Variants in KCNH1 observed in about 807,000 individuals in gnomAD.
The protein encoded by KCNH1 is potassium voltage-gated channel subfamily H member 1, also known as voltage-gated delayed rectifier potassium channel KCNH1.
KCNH1 carries 27 observed loss-of-function variants against 69.2 expected under a neutral mutation model. That is an observed-to-expected ratio of 0.39 (90% confidence interval 0.29 to 0.54). KCNH1 has a LOEUF of 0.54. Among genes scored for constraint, KCNH1 ranks in the 20% least tolerant of loss-of-function variants. The probability of loss-of-function intolerance (pLI) is 0.68; values close to 1 mark genes in which losing one functional copy is unlikely to be tolerated. For missense variants in KCNH1, 798 were observed against 1,261.6 expected, an observed-to-expected ratio of 0.63 and a Z score of 5.57; for synonymous variants, 456 against 487.7, an observed-to-expected ratio of 0.93 and a Z score of 0.86.
intron 6 of KCNH1, among the ~76,000 whole-genome samples, chr1:210,969,921 G>C (rs571938680): frequency 2.0e-5 from 3 of 152,004 alleles, no homozygotes; most frequent in African/African-American, 7.2e-5. Flanking sequence ...TTTTGAGACA[G>C]GGTTGCACTC....
intron 7 of KCNH1, among the ~76,000 whole-genome samples, chr1:210,903,146 T>C (rs1468110593): frequency 6.6e-6 from 1 of 152,160 alleles, no homozygotes; most frequent in African/African-American, 2.4e-5. Flanking sequence ...TAGGTCACAG[T>C]AAATGTCCAT....
chr1:211,096,854 C>G (rs1386768595), intron 3 of KCNH1, among the ~76,000 whole-genome samples: 1 of 152,142 alleles, frequency 6.6e-6, no homozygotes, highest in Non-Finnish European at 1.5e-5. Flanking sequence ...ACAGGGACTA[C>G]CTACTATAGT....
At chr1:210,927,828 C>T (rs189629724) in intron 6 of KCNH1, among the ~76,000 whole-genome samples, 2 of 152,146 alleles carry the variant, frequency 1.3e-5, no homozygotes, top group African/African-American at 4.8e-5. Flanking sequence ...ACCTAACACA[C>T]AGGGCCTCAC....
intron 6 of KCNH1, among the ~76,000 whole-genome samples, chr1:211,001,459 A>G (rs926726460): frequency 1.2e-4 from 19 of 152,338 alleles, no homozygotes; most frequent in African/African-American, 4.6e-4. Flanking sequence ...CAAAACCACA[A>G]TGAGATACCA....
At chr1:210,805,997 G>T (rs764891381) in intron 7 of KCNH1, among the ~76,000 whole-genome samples, 1 of 152,130 alleles carries the variant, frequency 6.6e-6, no homozygotes, top group Admixed American at 6.5e-5. Flanking sequence ...TGGGCATTTG[G>T]GTTGTTTCTG....
At chr1:210,928,837 G>T (rs950470176) in intron 6 of KCNH1, among the ~76,000 whole-genome samples, 1 of 151,952 alleles carries the variant, frequency 6.6e-6, no homozygotes, top group African/African-American at 2.4e-5. Context: ...AATTACAAAC[G>T]AAACGAGAGA....
chr1:211,042,541 G>A (rs1482217450), intron 5 of KCNH1, among the ~76,000 whole-genome samples: 1 of 152,162 alleles, frequency 6.6e-6, no homozygotes. Flanking sequence ...ACACTCCACT[G>A]ACAGCACTAG....
intron 10 of KCNH1, among the ~76,000 whole-genome samples, chr1:210,747,247 G>T (rs1056356504): frequency 6.6e-6 from 1 of 152,062 alleles, no homozygotes; most frequent in Middle Eastern, 3.2e-3. Flanking sequence ...TGAGCTCAGG[G>T]CAGTCTTAGA....
chr1:210,988,170 G>A (rs1433004745), intron 6 of KCNH1, among the ~76,000 whole-genome samples: 2 of 152,162 alleles, frequency 1.3e-5, no homozygotes, highest in African/African-American at 4.8e-5. Context: ...AATTTTCCAG[G>A]TGCCGTCTGT....
At chr1:210,956,202 C>T (rs948921335) in intron 6 of KCNH1, among the ~76,000 whole-genome samples, 4 of 151,920 alleles carry the variant, frequency 2.6e-5, no homozygotes, top group Admixed American at 6.6e-5. Context: ...TGATGGATTA[C>T]GTTTACTGAT....
intron 6 of KCNH1, among the ~76,000 whole-genome samples, chr1:210,940,982 G>T (rs1047769387): frequency 1.3e-5 from 2 of 152,180 alleles, no homozygotes; most frequent in Non-Finnish European, 2.9e-5. Context: ...GGTCTGGTGG[G>T]GGTGAAAACC....
intron 5 of KCNH1, among the ~76,000 whole-genome samples, chr1:211,030,390 T>G (rs1604371): frequency 0.25 from 37,270 of 152,086 alleles, 5,228 homozygotes; most frequent in East Asian, 0.64. Flanking sequence ...TAATGAAGAC[T>G]ATGTGGTATT....
rs577442575 is a variant in KCNH1, at chr1:210,682,874, G to A, written c.*407C>T. On this transcript the variant is annotated 3_prime_UTR_variant, in exon 11 of 11. Transcript: ENST00000271751. ...CTTGGCCCACTGCAGTCCATGGGGG[G>A]TCTTGGCAAAGGAGCCCAGCATAGT... The A allele has an allele frequency of 2.8e-5, 5 of 180,722 alleles. No individual in the cohort carries two copies. The highest frequency in any genetic ancestry group is 5.9e-5 in the Non-Finnish European group (5 of 85,306). The allele number at this position is 180,722 out of a possible 1,614,324, so 11.2% of individuals were successfully genotyped here.
At chr1:211,083,512 G>A (rs1053948076) in intron 4 of KCNH1, among the ~76,000 whole-genome samples, 1 of 152,198 alleles carries the variant, frequency 6.6e-6, no homozygotes, top group African/African-American at 2.4e-5. Context: ...TCCTTACTGA[G>A]AATCGAAGAT....
At chr1:211,070,016 T>G (rs1476596885) in intron 5 of KCNH1, among the ~76,000 whole-genome samples, 1 of 151,948 alleles carries the variant, frequency 6.6e-6, no homozygotes, top group Non-Finnish European at 1.5e-5. Context: ...GAAGGAAAAG[T>G]AAGACAAGAA....
chr1:210,830,656 A>G (rs1685138647), intron 7 of KCNH1, among the ~76,000 whole-genome samples: 1 of 152,206 alleles, frequency 6.6e-6, no homozygotes, highest in Admixed American at 6.5e-5. Context: ...GTAGACAATG[A>G]CTTCCTATGG....
intron 10 of KCNH1, among the ~76,000 whole-genome samples, chr1:210,721,534 T>A (rs1044412368): frequency 2.6e-5 from 4 of 152,170 alleles, no homozygotes; most frequent in Non-Finnish European, 5.9e-5. Flanking sequence ...TGCATAGAAG[T>A]TGATGGCCGA....
At chr1:210,948,979 A>G (rs1688014609) in intron 6 of KCNH1, among the ~76,000 whole-genome samples, 2 of 152,220 alleles carry the variant, frequency 1.3e-5, no homozygotes, top group Non-Finnish European at 2.9e-5. Context: ...ACTTTCATCA[A>G]CTATTCAAAA....
intron 10 of KCNH1, among the ~76,000 whole-genome samples, chr1:210,738,831 G>T (rs1682946571): frequency 6.6e-6 from 1 of 152,088 alleles, no homozygotes; most frequent in African/African-American, 2.4e-5. Context: ...TTCCCAAAGT[G>T]CTGGGATTAC....
Sources: gnomAD v4.1 joint callset for allele counts (sites outside exome capture counted in the v4.1 genomes callset) on GRCh38, gnomAD v4.1.1 for gene constraint, MANE v1.5 for transcripts, NCBI Gene and HGNC (gene_info 2026-07-23, HGNC 2026-07-21) for gene names.